MOB1B: variants seen among roughly 807,000 people sequenced by gnomAD.
MOB1B encodes the protein MOB1 Mps One Binder homolog B.
MOB1B carries 19 observed loss-of-function variants against 24.4 expected under a neutral mutation model. The observed-to-expected ratio is 0.78, with a 90% confidence interval of 0.54 to 1.14. MOB1B has a LOEUF of 1.14. MOB1B is among the 50% of genes most tolerant of loss of function. The pLI is 0.00. For missense variants in MOB1B, 243 were observed against 259.6 expected, an observed-to-expected ratio of 0.94 and a Z score of 0.44; for synonymous variants, 76 against 82.1, an observed-to-expected ratio of 0.93 and a Z score of 0.40.
chr4:70,965,496 G>A (rs1183252149), intron 2 of MOB1B, among the ~76,000 whole-genome samples: 1 of 150,846 alleles, frequency 6.6e-6, no homozygotes, highest in Admixed American at 6.6e-5. Context: ...ATCTTACATA[G>A]CATTAAAAGT....
intron 1 of MOB1B, among the ~76,000 whole-genome samples, chr4:70,908,900 A>G (rs1735865947): frequency 6.6e-6 from 1 of 150,814 alleles, no homozygotes; most frequent in South Asian, 2.1e-4. Flanking sequence ...AAATAGAAAA[A>G]AGTAGCTGGG....
At chr4:70,926,926 G>C (rs546877333) in intron 1 of MOB1B, among the ~76,000 whole-genome samples, 3 of 151,998 alleles carry the variant, frequency 2.0e-5, no homozygotes, top group Middle Eastern at 3.4e-3. Flanking sequence ...AAACTCAGGA[G>C]GTGGAGCTTA....
intron 1 of MOB1B, among the ~76,000 whole-genome samples, chr4:70,939,046 C>CA: frequency 6.6e-6 from 1 of 152,108 alleles, no homozygotes; most frequent in Non-Finnish European, 1.5e-5. Context: ...GCTGAACAGT[C>CA]AAAGTTGGAA....
At chr4:70,956,837 A>C (rs1389954558) in intron 1 of MOB1B, among the ~76,000 whole-genome samples, 2 of 152,202 alleles carry the variant, frequency 1.3e-5, no homozygotes, top group East Asian at 1.9e-4. Flanking sequence ...ACCTACATTT[A>C]AATGAGAATG....
intron 1 of MOB1B, among the ~76,000 whole-genome samples, chr4:70,951,971 G>A (rs1170266210): frequency 4.6e-5 from 7 of 152,204 alleles, no homozygotes; most frequent in African/African-American, 1.2e-4. Context: ...TAAGACTTTC[G>A]TACGTTGTGG....
At chr4:70,903,155 A>AGCC (rs944633435) in intron 1 of MOB1B, among the ~76,000 whole-genome samples, 3 of 152,104 alleles carry the variant, frequency 2.0e-5, no homozygotes, top group Admixed American at 6.6e-5. Context: ...AGGGGTCTGG[A>AGCC]GCCGCCCCCT....
At chr4:70,964,252 A>G (rs1738426726) in intron 2 of MOB1B, among the ~76,000 whole-genome samples, 1 of 152,230 alleles carries the variant, frequency 6.6e-6, no homozygotes, top group Non-Finnish European at 1.5e-5. Context: ...GAAAAATTTG[A>G]GCAACATGAT....
At position 70,985,476 on chromosome 4, in the gene MOB1B, A is replaced by G. The variant is rs954405646; in HGVS notation, c.*3419A>G. The G allele has an allele frequency of 6.6e-6, 1 of 152,164 alleles. No individual in the cohort carries two copies. Among genetic ancestry groups the G allele is most frequent in the African/African-American group, 2.4e-5 (1 of 41,448 alleles). 9.4% of individuals were successfully genotyped at this position (152,164 alleles called of 1,614,324 possible). ...TCAGTTTCATCATTTTAGTTACACT[A>G]AACACTTTTGGCAGCTTAATATGAC... On this transcript the variant is annotated 3_prime_UTR_variant, in exon 6 of 6. Transcript: ENST00000309395.
intron 1 of MOB1B, among the ~76,000 whole-genome samples, chr4:70,946,084 C>CT (rs11331194): frequency 0.011 from 970 of 85,358 alleles, 9 homozygotes; most frequent in African/African-American, 0.017. Flanking sequence ...TTTGTTTGTT[C>CT]TTTTTTTTTT....
chr4:70,933,259 A>G (rs116133031), intron 1 of MOB1B, among the ~76,000 whole-genome samples: 3,169 of 152,206 alleles, frequency 0.021, 114 homozygotes, highest in African/African-American at 0.071. Flanking sequence ...CCATGATCCA[A>G]TTACCTCCCA....
intron 1 of MOB1B, among the ~76,000 whole-genome samples, chr4:70,949,172 C>G (rs958526389): frequency 1.3e-5 from 2 of 152,116 alleles, no homozygotes; most frequent in Non-Finnish European, 2.9e-5. Flanking sequence ...AAGAATTCCT[C>G]GATTTCTGAA....
rs190443001 is a variant in MOB1B, at chr4:70,980,431, C to A, written c.573+1140C>A. Among the ~76,000 whole-genome samples the A allele has an allele frequency of 1.3e-3, 202 of 152,298 alleles. 3 individuals are homozygous for A. Among genetic ancestry groups the A allele is most frequent in the Non-Finnish European group, 1.7e-3 (115 of 68,020 alleles). On this transcript the variant is annotated intron_variant, in intron 5 of 5. Coordinates refer to ENST00000309395, the MANE Select transcript of MOB1B (RefSeq NM_173468.4). ...GACTCAGTGATCTTACACTGTGTTTCCCAACTCCTAGCAAATAGCAAGGGA... is the reference window on the plus strand; with the variant it reads ...GACTCAGTGATCTTACACTGTGTTTACCAACTCCTAGCAAATAGCAAGGGA...
chr4:70,945,050 C>T (rs1737522749), intron 1 of MOB1B, among the ~76,000 whole-genome samples: 1 of 152,108 alleles, frequency 6.6e-6, no homozygotes, highest in African/African-American at 2.4e-5. Context: ...TGGTCCTCTG[C>T]CTTAGTGTTA....
At chr4:70,940,609 AATGG>A (rs1024034789) in intron 1 of MOB1B, among the ~76,000 whole-genome samples, 10 of 152,168 alleles carry the variant, frequency 6.6e-5, no homozygotes, top group Admixed American at 6.5e-4. Flanking sequence ...TCTGATTCCG[AATGG>A]ATGAACAATT....
At position 70,983,307 on chromosome 4, in the gene MOB1B, C is replaced by T. The variant is rs906957260; in HGVS notation, c.*1250C>T. 6.6e-6 allele frequency: 1 copy of T among 152,520 alleles called. No homozygotes were observed. The highest frequency in any genetic ancestry group is 1.5e-5 in the Non-Finnish European group (1 of 67,982). 9.4% of individuals were successfully genotyped at this position (152,520 alleles called of 1,614,324 possible). A position where few individuals can be genotyped will look rare whatever the true frequency, so the allele number is the denominator to read the frequency against. On this transcript the variant is annotated 3_prime_UTR_variant, in exon 6 of 6. Coordinates refer to ENST00000309395, the MANE Select transcript of MOB1B (RefSeq NM_173468.4). ...GGTCCAGTTTGAAGCATTCTGACTTCTGGTTTTTCCACCCTGAAAGGAAAT... is the reference window on the plus strand; with the variant it reads ...GGTCCAGTTTGAAGCATTCTGACTTTTGGTTTTTCCACCCTGAAAGGAAAT...
Position 70,988,161 on chromosome 4 carries a change from G to A in MOB1B, c.*6104G>A, listed in dbSNP as rs2148908972. The A allele has an allele frequency of 6.6e-6, 1 of 152,348 alleles. No homozygotes were observed. Among genetic ancestry groups the A allele is most frequent in the Admixed American group, 6.5e-5 (1 of 15,268 alleles). The allele number at this position is 152,348 out of a possible 1,614,324, so 9.4% of individuals were successfully genotyped here. The stretch of plus-strand genomic sequence containing the variant: ...AAAAATGAATAAATAGTTACGTTTG[G>A]CCATGAATCCTGACTTTGCATTACT... On this transcript the variant is annotated 3_prime_UTR_variant, in exon 6 of 6. Coordinates refer to ENST00000309395, the MANE Select transcript of MOB1B (RefSeq NM_173468.4).
chr4:70,981,560 T>C (rs983799235), intron 5 of MOB1B, among the ~76,000 whole-genome samples: 5 of 152,266 alleles, frequency 3.3e-5, no homozygotes, highest in Non-Finnish European at 7.3e-5. Context: ...TTTTGGCTTT[T>C]CATATAATGC....
At chr4:70,935,927 C>T (rs1355775835) in intron 1 of MOB1B, among the ~76,000 whole-genome samples, 47 of 146,388 alleles carry the variant, frequency 3.2e-4, no homozygotes, top group African/African-American at 2.5e-4. Flanking sequence ...TCTCGGCTCA[C>T]TGCAAGCTCC....
intron 1 of MOB1B, among the ~76,000 whole-genome samples, chr4:70,951,519 T>A (rs1364954654): frequency 6.6e-6 from 1 of 152,218 alleles, no homozygotes; most frequent in Non-Finnish European, 1.5e-5. Flanking sequence ...ATATCGTGGA[T>A]GTTTATTTGG....
Sources: allele counts gnomAD v4.1 joint callset (sites outside exome capture counted in the v4.1 genomes callset), GRCh38; gene constraint gnomAD v4.1.1; transcripts MANE v1.5; gene names NCBI Gene and HGNC (gene_info 2026-07-23, HGNC 2026-07-21).